Variants in SIPA1L1 observed in about 807,000 individuals in gnomAD.
SIPA1L1 encodes signal induced proliferation associated 1 like 1.
In SIPA1L1, 26 loss-of-function variants were observed where a neutral mutation model predicts 162.7. That is an observed-to-expected ratio of 0.16 (90% CI 0.12 to 0.22). SIPA1L1 has a LOEUF of 0.22. Among genes scored for constraint, SIPA1L1 ranks in the 10% least tolerant of loss-of-function variants. The pLI is 1.00. For synonymous variants in SIPA1L1, 829 were observed against 837.4 expected (o/e 0.99, Z 0.17); for missense variants, 1,874 against 2,241.0 (o/e 0.84, Z 3.31).
chr14:71,502,251 A>AT (rs1555440954), intron 2 of SIPA1L1, among the ~76,000 whole-genome samples: 727 of 60,886 alleles, frequency 0.012, 10 homozygotes, highest in East Asian at 0.083. Context: ...TGAAAAAAAA[A>AT]AAAAATATAT....
intron 2 of SIPA1L1, among the ~76,000 whole-genome samples, chr14:71,402,512 C>G (rs1321044089): frequency 6.6e-6 from 1 of 151,992 alleles, no homozygotes; most frequent in African/African-American, 2.4e-5. Flanking sequence ...TCACACCTGA[C>G]CAATTTTTGT....
chr14:71,343,389 C>T (rs1244440527), intron 2 of SIPA1L1, among the ~76,000 whole-genome samples: 1 of 152,100 alleles, frequency 6.6e-6, no homozygotes, highest in African/African-American at 2.4e-5. Flanking sequence ...CAGTTCTGTT[C>T]TCAGGATGCT....
At chr14:71,697,301 C>A (rs1341376493) in intron 13 of SIPA1L1, among the ~76,000 whole-genome samples, 1 of 152,138 alleles carries the variant, frequency 6.6e-6, no homozygotes, top group Non-Finnish European at 1.5e-5. Context: ...TTTGTGTTAT[C>A]AGGACCAGCA....
chr14:71,732,214 T>C (rs1466535298), intron 20 of SIPA1L1, among the ~76,000 whole-genome samples: 1 of 152,204 alleles, frequency 6.6e-6, no homozygotes, highest in Non-Finnish European at 1.5e-5. Context: ...AACAAAGCAT[T>C]TAATACACTG....
At chr14:71,733,224 A>T (rs1470852946) in intron 20 of SIPA1L1, among the ~76,000 whole-genome samples, 1 of 152,218 alleles carries the variant, frequency 6.6e-6, no homozygotes, top group Non-Finnish European at 1.5e-5. Context: ...AAATAAAAAA[A>T]TAAGCCCTAT....
intron 4 of SIPA1L1, among the ~76,000 whole-genome samples, chr14:71,569,509 C>T (rs1374307782): frequency 6.6e-6 from 1 of 152,200 alleles, no homozygotes; most frequent in Non-Finnish European, 1.5e-5. Context: ...GAAGTGGAAC[C>T]ATTCTTCTTC....
At chr14:71,339,197 C>T (rs1417479536) in intron 2 of SIPA1L1, among the ~76,000 whole-genome samples, 1 of 152,076 alleles carries the variant, frequency 6.6e-6, no homozygotes, top group Admixed American at 6.5e-5. Flanking sequence ...AGGATAGAGA[C>T]CATTTCTCTT....
intron 7 of SIPA1L1, among the ~76,000 whole-genome samples, chr14:71,634,307 C>G (rs1400256617): frequency 6.7e-6 from 1 of 149,704 alleles, no homozygotes; most frequent in Non-Finnish European, 1.5e-5. Flanking sequence ...GAGGCTGAGG[C>G]AGGAGAATTG....
chr14:71,408,835 G>C lies in SIPA1L1; in HGVS notation c.-465+87654G>C, dbSNP rs548463133. 3.3e-5 allele frequency among the ~76,000 whole-genome samples: 5 copies of C among 152,298 alleles called. No individual in the cohort carries two copies. The South Asian group carries it at 1.0e-3, about 32-fold the overall frequency. On this transcript the variant is annotated intron_variant, in intron 2 of 23. Coordinates refer to ENST00000381232, the MANE Select transcript of SIPA1L1 (RefSeq NM_001386936.1). ...AGTGAGCAGGAAGAGACTGGAGTCA[G>C]ACAGCTGTGGGCTTGCATCTGAGCA...
At chr14:71,629,062 C>A (rs1427366660) in intron 7 of SIPA1L1, among the ~76,000 whole-genome samples, 1 of 152,110 alleles carries the variant, frequency 6.6e-6, no homozygotes, top group East Asian at 1.9e-4. Flanking sequence ...CTCAGCCTCC[C>A]AAGTAGCTGG....
At chr14:71,669,470 TAA>T (rs763837710) in intron 10 of SIPA1L1, among the ~76,000 whole-genome samples, 11 of 152,226 alleles carry the variant, frequency 7.2e-5, no homozygotes, top group Non-Finnish European at 1.2e-4. Flanking sequence ...TTGCCAATTT[TAA>T]AGTGAAAGAT....
At chr14:71,488,515 A>G (rs2048959391) in intron 2 of SIPA1L1, among the ~76,000 whole-genome samples, 1 of 152,214 alleles carries the variant, frequency 6.6e-6, no homozygotes. Flanking sequence ...AAAAAGCTGT[A>G]AAAGTTCCCA....
chr14:71,589,579 G>A (rs979936110), intron 5 of SIPA1L1, among the ~76,000 whole-genome samples: 7 of 151,988 alleles, frequency 4.6e-5, no homozygotes, highest in African/African-American at 1.7e-4. Context: ...TAAATGTCTT[G>A]TATGTTAAAT....
At chr14:71,515,981 T>C (rs138126657) in intron 3 of SIPA1L1, among the ~76,000 whole-genome samples, 1 of 152,340 alleles carries the variant, frequency 6.6e-6, no homozygotes, top group East Asian at 1.9e-4. Context: ...TAGATAGTTA[T>C]CTTTGATGCC....
intron 12 of SIPA1L1, among the ~76,000 whole-genome samples, chr14:71,673,424 C>T (rs1239185232): frequency 1.3e-5 from 2 of 152,158 alleles, no homozygotes; most frequent in Admixed American, 1.3e-4. Flanking sequence ...GCAATTGATT[C>T]TTAGGCTTTC....
chr14:71,733,382 A>G (rs144781275), intron 20 of SIPA1L1, among the ~76,000 whole-genome samples: 2 of 152,310 alleles, frequency 1.3e-5, no homozygotes, highest in East Asian at 3.9e-4. Context: ...GTGGACAGAC[A>G]GCTCTCACAA....
chr14:71,424,584 G>T (rs1005310899), intron 2 of SIPA1L1, among the ~76,000 whole-genome samples: 4 of 151,906 alleles, frequency 2.6e-5, no homozygotes, highest in Non-Finnish European at 5.9e-5. Context: ...TATGATCTTT[G>T]TATGTTGAGC....
chr14:71,687,092 T>C (rs922372849), intron 13 of SIPA1L1, among the ~76,000 whole-genome samples: 26 of 152,238 alleles, frequency 1.7e-4, no homozygotes, highest in Non-Finnish European at 2.6e-4. Context: ...GGATACCATG[T>C]AGAAATAATT....
chr14:71,475,576 T>C (rs1248017938), intron 2 of SIPA1L1, among the ~76,000 whole-genome samples: 5 of 152,198 alleles, frequency 3.3e-5, no homozygotes, highest in Non-Finnish European at 7.3e-5. Flanking sequence ...CCTATCTTGA[T>C]GTTTCAATAT....
Sources: allele counts gnomAD v4.1 joint callset (sites outside exome capture counted in the v4.1 genomes callset), GRCh38; gene constraint gnomAD v4.1.1; transcripts MANE v1.5; gene names NCBI Gene and HGNC (gene_info 2026-07-23, HGNC 2026-07-21).